ENTPD4: variants seen among roughly 807,000 people sequenced by gnomAD.
The protein encoded by ENTPD4 is ectonucleoside triphosphate diphosphohydrolase 4.
A neutral mutation model predicts 79.1 loss-of-function variants in ENTPD4; 60 were observed. The ratio of observed to expected loss-of-function variants is 0.76; its 90% CI spans 0.62 to 0.94. ENTPD4 has a LOEUF of 0.94. Ranked by LOEUF, ENTPD4 falls within the 40% of genes least tolerant of loss-of-function variation. The pLI is 0.00. For synonymous variants in ENTPD4, 276 were observed against 292.0 expected, an observed-to-expected ratio of 0.95 and a Z score of 0.56; for missense variants, 772 against 775.1, an observed-to-expected ratio of 1.00 and a Z score of 0.05.
At position 23,441,586 on chromosome 8, in the gene ENTPD4, A is replaced by T; in HGVS notation, c.865T>A (p.Phe289Ile). The T allele has an allele frequency of 3.1e-6, 5 of 1,614,118 alleles. No individual in the cohort carries two copies. Among genetic ancestry groups the T allele is most frequent in the Non-Finnish European group, 4.2e-6 (5 of 1,180,000 alleles). The change falls in exon 8 of 13, where the codon TTT (phenylalanine) becomes ATT (isoleucine). Residue 289 changes from phenylalanine to isoleucine, a missense_variant. By Grantham distance (21) the Phe-to-Ile change is conservative. Coordinates refer to ENST00000358689, the MANE Select transcript of ENTPD4 (RefSeq NM_004901.5). ...IAYEVPKTVS[F>I]ASSQQEEVAK... is the part of the protein sequence containing the mutation. ...ATAATGACCTGCTGTGAGGACGCAA[A>T]GCTTACAGTTTTGGGGACTTCGTAC...
At chr8:23,450,313 T>G (rs957550287) in intron 1 of ENTPD4, among the ~76,000 whole-genome samples, 5 of 152,104 alleles carry the variant, frequency 3.3e-5, no homozygotes, top group African/African-American at 1.2e-4. Flanking sequence ...GGGGTGGAGG[T>G]AGGAGAAAGG....
intron 9 of ENTPD4, among the ~76,000 whole-genome samples, chr8:23,438,220 T>G (rs781142630): frequency 6.6e-6 from 1 of 152,198 alleles, no homozygotes. Flanking sequence ...TTGGATACTG[T>G]GAAATCACAG....
chr8:23,435,943 T>C (rs1209619575), intron 10 of ENTPD4, among the ~76,000 whole-genome samples: 1 of 152,182 alleles, frequency 6.6e-6, no homozygotes, highest in Admixed American at 6.5e-5. Context: ...ATAATAACTT[T>C]TATTGAGCAT....
chr8:23,441,484 C>T, intron 8 of ENTPD4, 85 bp downstream of exon 8: 3 of 1,565,604 alleles, frequency 1.9e-6, no homozygotes, highest in Non-Finnish European at 2.6e-6. Flanking sequence ...AAGATGTGTT[C>T]AGACTCAGAA....
At position 23,439,754 on chromosome 8, in the gene ENTPD4, C is replaced by T. The variant is rs778958215; in HGVS notation, c.1044G>A (p.Lys348=). The change falls in exon 9 of 13, where the codon AAG becomes AAA. Residue 348 remains lysine, a synonymous_variant. Coordinates refer to ENST00000358689, the MANE Select transcript of ENTPD4 (RefSeq NM_004901.5). The part of the protein sequence containing the change: ...EDRIFANTIQ[K]NRLLGKQTGL... ...AGTAGTGAAAGGTGCTTTACCTGTT[C>T]TTTTGAATGGTGTTGGCAAATATTC... 6 of 1,614,006 alleles carry T rather than the reference C, an allele frequency of 3.7e-6. No individual in the cohort carries two copies. The African/African-American group carries it at 8.0e-5, about 22-fold the overall frequency.
intron 8 of ENTPD4, chr8:23,440,140 AAGTC>A: frequency 2.1e-6 from 1 of 470,448 alleles, no homozygotes; most frequent in East Asian, 3.4e-5. Flanking sequence ...TTGAAAGAGA[AAGTC>A]AGCAAAATAG....
intron 4 of ENTPD4, 28 bp downstream of exon 4, chr8:23,447,652 T>G: frequency 6.4e-7 from 1 of 1,565,194 alleles, no homozygotes; most frequent in Non-Finnish European, 8.8e-7. Context: ...ACACCCTGGT[T>G]ACCAGGCAGA....
chr8:23,431,273 T>C lies in ENTPD4; in HGVS notation c.*1653A>G. On this transcript the variant is annotated 3_prime_UTR_variant, in exon 13 of 13. Coordinates refer to ENST00000358689, the MANE Select transcript of ENTPD4 (RefSeq NM_004901.5). The stretch of plus-strand genomic sequence containing the variant: ...CCTAGTTCCAAAGCCACTTTTATAA[T>C]ATCCTCAGTTATCTGTTATAGCAAC... The C allele has an allele frequency of 3.3e-5, 30 of 903,796 alleles. No homozygotes were observed. The highest frequency in any genetic ancestry group is 4.0e-5 in the Non-Finnish European group (30 of 755,904). 56.0% of individuals were successfully genotyped at this position (903,796 alleles called of 1,614,324 possible). A position where few individuals can be genotyped will look rare whatever the true frequency, so the allele number is the denominator to read the frequency against.
rs750252103 is a variant in ENTPD4 at position 23,433,020 on chromosome 8, C to G, written c.1757G>C (p.Arg586Pro). The change falls in exon 13 of 13, where the codon CGG becomes CCG. Residue 586 changes from arginine (R) to proline (P), a missense_variant. By Grantham distance (103) the Arg-to-Pro change is moderately radical. Coordinates refer to ENST00000358689, the MANE Select transcript of ENTPD4 (RefSeq NM_004901.5). ...LAILLYLLRL[R>P]RIHRRTPRSS... ...CCGGGGAGTGCGCCTGTGGATGCGC[C>G]GCAGCCGCAGCAGGTACAGCAGGAT... 10 of 1,613,882 alleles carry G rather than the reference C, an allele frequency of 6.2e-6. No homozygotes were observed. The highest frequency in any genetic ancestry group is 5.0e-5 in the Admixed American group (3 of 59,994).
At chr8:23,457,518 C>G (rs1800983263) in intron 1 of ENTPD4, 39 bp downstream of exon 1, 2 of 152,096 alleles carry the variant, frequency 1.3e-5, no homozygotes, top group South Asian at 4.1e-4. Context: ...CCTTCGGCCG[C>G]CCGCCCTCCC....
chr8:23,443,895 G>A lies in ENTPD4; in HGVS notation c.622C>T (p.Leu208=), dbSNP rs1423964438. ...LTDIPVHFDF[L]FSDSHAEVIS... is the part of the protein sequence containing the mutation. ...ACTTCTGCATGAGAGTCAGAAAACA[G>A]AAAGTCAAAGTGCACGGGGATATCG... Residue 208 remains leucine, a synonymous_variant, in exon 6 of 13, where the codon CTG becomes TTG. Transcript: ENST00000358689. 2 of 1,613,874 alleles carry A rather than the reference G, an allele frequency of 1.2e-6. No individual in the cohort carries two copies. Among genetic ancestry groups the A allele is most frequent in the East Asian group, 4.5e-5 (2 of 44,854 alleles).
In ENTPD4 at chr8:23,430,185, T is replaced by A; in HGVS notation, c.*2741A>T. The A allele has an allele frequency of 4.1e-6, 4 of 985,476 alleles. No homozygotes were observed. The South Asian group carries it at 1.4e-4, about 35-fold the overall frequency. 61.0% of individuals were successfully genotyped at this position (985,476 alleles called of 1,614,324 possible). A position where few individuals can be genotyped will look rare whatever the true frequency, so the allele number is the denominator to read the frequency against. On this transcript the variant is annotated 3_prime_UTR_variant, in exon 13 of 13. Coordinates refer to ENST00000358689, the MANE Select transcript of ENTPD4 (RefSeq NM_004901.5). The stretch of plus-strand genomic sequence containing the variant: ...GAGAAAGCACCTGGCTGTCTTCACC[T>A]ACGCGAGACCTTCTCTGGAATGTGA...
Position 23,437,050 on chromosome 8 carries a change from G to C in ENTPD4, c.1258C>G (p.Pro420Ala). ...AATTCACTGTTCTGGAAGTGAATTG[G>C]GGGCTGGTAGACCCCATTGAGGGAA... ...QTSLNGVYQP[P>A]IHFQNSEFYG... Residue 420 changes from proline to alanine, a missense_variant, in exon 10 of 13, where the codon CCA becomes GCA. Pro to Ala is a conservative substitution (Grantham distance 27). Transcript: ENST00000358689. 3 of 1,614,154 alleles carry C rather than the reference G, an allele frequency of 1.9e-6. No individual in the cohort carries two copies. Among genetic ancestry groups the C allele is most frequent in the Non-Finnish European group, 2.5e-6 (3 of 1,179,996 alleles).
rs1355343552 is a variant in ENTPD4 at position 23,429,895 on chromosome 8, A to T, written c.*3031T>A. On this transcript the variant is annotated 3_prime_UTR_variant, in exon 13 of 13. Transcript: ENST00000358689. ...TGTAATGTCCCCAGAGGGATTGTGA[A>T]ATGTCTGAGAACATCCCCTGGAGGA... 1 of 985,360 alleles carries T rather than the reference A, an allele frequency of 1.0e-6. No homozygotes were observed. Among genetic ancestry groups the T allele is most frequent in the Non-Finnish European group, 1.2e-6 (1 of 829,948 alleles). The allele number at this position is 985,360 out of a possible 1,614,324, so 61.0% of individuals were successfully genotyped here.
rs544314711 is a variant in ENTPD4 at position 23,433,086 on chromosome 8, T to G, written c.1691A>C (p.His564Pro). 1.2e-6 allele frequency: 2 copies of G among 1,614,122 alleles called. No individual in the cohort carries two copies. Among genetic ancestry groups the G allele is most frequent in the South Asian group, 2.2e-5 (2 of 91,080 alleles). Reference protein sequence around the residue: ...HWRGVSFVYNHYLFSGCFLVV... With the variant: ...HWRGVSFVYNPYLFSGCFLVV... ...CAGGAAGCAGCCAGAGAACAGGTAG[T>G]GGTTGTAGACAAAGGAAACGCCCCG... The change falls in exon 13 of 13, where the codon CAC becomes CCC. Residue 564 changes from histidine to proline, a missense_variant. Transcript: ENST00000358689.
At chr8:23,447,056 G>T (rs1800774936) in intron 4 of ENTPD4, among the ~76,000 whole-genome samples, 1 of 152,166 alleles carries the variant, frequency 6.6e-6, no homozygotes, top group Non-Finnish European at 1.5e-5. Context: ...CATTCTAAAT[G>T]CTCCTGACAG....
rs757975688 is a variant in ENTPD4 at position 23,436,981 on chromosome 8, G to GT, written c.1326dup (p.Arg443ThrfsTer10). The stretch of plus-strand genomic sequence containing the variant: ...GCAGCATTGTAGTCTCCCCCCATTC[G>GT]TAACACATCCTCGGTGCAGTAGTAG... On this transcript the variant is annotated frameshift_variant, in exon 10 of 13. Transcript: ENST00000358689. LOFTEE classifies it high-confidence loss of function. The GT allele has an allele frequency of 4.3e-4, 693 of 1,612,162 alleles. No individual in the cohort carries two copies. The highest frequency in any genetic ancestry group is 5.3e-4 in the Non-Finnish European group (625 of 1,179,078).
chr8:23,453,151 A>G (rs1399291406), intron 1 of ENTPD4, among the ~76,000 whole-genome samples: 1 of 152,238 alleles, frequency 6.6e-6, no homozygotes, highest in East Asian at 1.9e-4. Flanking sequence ...AAAAGTATTA[A>G]TAATGCCTAC....
rs759514142 is a variant in ENTPD4 at position 23,434,313 on chromosome 8, C to G, written c.1622+4G>C. On this transcript the variant is annotated splice_donor_region_variant and intron_variant, in intron 12 of 12. Transcript: ENST00000358689. ...GATTCTCGTTCCCAAATTCACAGCC[C>G]TACCTTAATGGTAGAAAGCGGGTCC... The G allele has an allele frequency of 8.1e-6, 13 of 1,613,394 alleles. No homozygotes were observed. Among genetic ancestry groups the G allele is most frequent in the South Asian group, 1.1e-5 (1 of 91,068 alleles).
Sources: allele counts gnomAD v4.1 joint callset (sites outside exome capture counted in the v4.1 genomes callset), GRCh38; gene constraint gnomAD v4.1.1; transcripts MANE v1.5; gene names NCBI Gene and HGNC (gene_info 2026-07-23, HGNC 2026-07-21).